AMMECR1: variants seen among roughly 807,000 people sequenced by gnomAD.
The protein encoded by AMMECR1 is nuclear protein AMMECR1.
A neutral mutation model predicts 22.5 loss-of-function variants in AMMECR1; 3 were observed. That is an observed-to-expected ratio of 0.13 (90% CI 0.06 to 0.35). The LOEUF (loss-of-function observed/expected upper bound fraction) is 0.35. Ranked by LOEUF, AMMECR1 falls within the 10% of genes least tolerant of loss-of-function variation. AMMECR1 has a pLI of 1.00. For missense variants in AMMECR1, 235 were observed against 278.7 expected (o/e 0.84, Z 1.12); for synonymous variants, 130 against 116.7 (o/e 1.11, Z -0.74).
chrX:110,311,014 AG>A (rs1437515173), intron 1 of AMMECR1, among the ~76,000 whole-genome samples: 2 of 111,923 alleles, frequency 1.8e-5, no homozygotes, highest in Non-Finnish European at 3.8e-5. Context: ...CTCAACACAA[AG>A]GCCACTTTTA....
At chrX:110,248,808 C>T (rs1173929239) in intron 2 of AMMECR1, among the ~76,000 whole-genome samples, 3 of 112,034 alleles carry the variant, frequency 2.7e-5, no homozygotes, top group Non-Finnish European at 5.6e-5. Flanking sequence ...ATCCTTCCCC[C>T]GAGGCTCTCT....
chrX:110,336,671 C>T (rs1181613729), intron 2 of AMMECR1, among the ~76,000 whole-genome samples: 1 of 110,606 alleles, frequency 9.0e-6, no homozygotes, highest in Non-Finnish European at 1.9e-5. Context: ...ACTCAGATCA[C>T]CTGGGCAACA....
chrX:110,316,954 T>TGC (rs2148226873), intron 1 of AMMECR1, among the ~76,000 whole-genome samples: 1 of 108,796 alleles, frequency 9.2e-6, no homozygotes, highest in East Asian at 2.9e-4. Context: ...AAGCCGGCAG[T>TGC]GCGCTCGCTA....
At chrX:110,407,430 C>G (rs1265937495) in intron 2 of AMMECR1, among the ~76,000 whole-genome samples, 1 of 111,903 alleles carries the variant, frequency 8.9e-6, no homozygotes, top group Non-Finnish European at 1.9e-5. Flanking sequence ...TCAGCAGAAG[C>G]CACTTTTCAG....
At chrX:110,343,634 A>C (rs1276729480) in intron 2 of AMMECR1, among the ~76,000 whole-genome samples, 2 of 111,452 alleles carry the variant, frequency 1.8e-5, no homozygotes, top group East Asian at 2.8e-4. Flanking sequence ...TGATAAGCAA[A>C]TTCAGGAAAG....
rs191772495 is a variant in AMMECR1 at position 110,417,490 on chromosome X, T to C, written c.-148+9168A>G. 5.3e-3 allele frequency among the ~76,000 whole-genome samples: 588 copies of C among 111,878 alleles called. 3 individuals are homozygous for C. Among genetic ancestry groups the C allele is most frequent in the African/African-American group, 0.019 (572 of 30,519 alleles). Reference sequence around the variant, plus strand: ...CAGACGCAAATGAGCATTTTTTTTTTATGCGATAAGCCCTGTGCTTAGCAG... The same window carrying C: ...CAGACGCAAATGAGCATTTTTTTTTCATGCGATAAGCCCTGTGCTTAGCAG... On this transcript the variant is annotated intron_variant, in intron 2 of 7. Coordinates refer to the AMMECR1 transcript ENST00000372057.
At chrX:110,332,278 A>T (rs1448685897) in intron 2 of AMMECR1, among the ~76,000 whole-genome samples, 2 of 112,176 alleles carry the variant, frequency 1.8e-5, no homozygotes, top group Admixed American at 9.5e-5. Context: ...AGGTAGTGGG[A>T]TCTGAAAGTT....
upstream of AMMECR1, among the ~76,000 whole-genome samples, chrX:110,322,866 G>A (rs1280046583): frequency 2.7e-5 from 3 of 111,257 alleles, no homozygotes; most frequent in Non-Finnish European, 3.8e-5. Context: ...CTTACTATTC[G>A]GGATTCCTAC....
intron 2 of AMMECR1, among the ~76,000 whole-genome samples, chrX:110,420,153 G>A (rs1355748438): frequency 9.0e-6 from 1 of 111,432 alleles, no homozygotes; most frequent in Non-Finnish European, 1.9e-5. Flanking sequence ...CCACCCCCAG[G>A]CACGATTCTA....
At chrX:110,204,385 A>C (rs779321376) in intron 3 of AMMECR1, among the ~76,000 whole-genome samples, 8 of 111,454 alleles carry the variant, frequency 7.2e-5, no homozygotes, top group Non-Finnish European at 1.3e-4. Context: ...GATAGGAAGA[A>C]TGTCTCCCTA....
At chrX:110,233,439 G>C (rs886425943) in intron 2 of AMMECR1, among the ~76,000 whole-genome samples, 1 of 111,981 alleles carries the variant, frequency 8.9e-6, no homozygotes, top group Non-Finnish European at 1.9e-5. Flanking sequence ...CTGAAACTAT[G>C]CCAATCAATA....
intron 2 of AMMECR1, among the ~76,000 whole-genome samples, chrX:110,397,742 C>G (rs1337211981): frequency 8.9e-6 from 1 of 111,803 alleles, no homozygotes; most frequent in Non-Finnish European, 1.9e-5. Flanking sequence ...CCTGCAAAGG[C>G]CAACCTGCCC....
At chrX:110,258,055 T>C (rs923260033) in intron 2 of AMMECR1, among the ~76,000 whole-genome samples, 10 of 112,053 alleles carry the variant, frequency 8.9e-5, no homozygotes, top group African/African-American at 2.9e-4. Context: ...CAACACTACC[T>C]TTTCACAGAT....
chrX:110,391,783 G>A (rs2068495271), intron 2 of AMMECR1, among the ~76,000 whole-genome samples: 1 of 112,348 alleles, frequency 8.9e-6, no homozygotes, highest in African/African-American at 3.2e-5. Context: ...ATGTTGGCAA[G>A]TAGTACTTGG....
chrX:110,384,544 T>G (rs926235199), intron 2 of AMMECR1, among the ~76,000 whole-genome samples: 1 of 111,744 alleles, frequency 8.9e-6, no homozygotes, highest in Admixed American at 9.5e-5. Context: ...TAATAAATAC[T>G]TTTACTTGAA....
At chrX:110,236,821 T>C (rs746839912) in intron 2 of AMMECR1, among the ~76,000 whole-genome samples, 4 of 112,507 alleles carry the variant, frequency 3.6e-5, no homozygotes, top group Non-Finnish European at 7.5e-5. Context: ...TTCCCCTGTT[T>C]TTATTTATTT....
intron 1 of AMMECR1, chrX:110,306,861 GC>G (rs1339440667): frequency 8.9e-6 from 1 of 111,739 alleles, no homozygotes; most frequent in East Asian, 2.8e-4. Context: ...TAAAAATTAA[GC>G]TAAGCAGAGT....
intron 2 of AMMECR1, among the ~76,000 whole-genome samples, chrX:110,223,728 C>T (rs940458701): frequency 1.8e-5 from 2 of 112,200 alleles, no homozygotes; most frequent in African/African-American, 6.5e-5. Context: ...AGTGTGTCTC[C>T]AAGGTATAAC....
At chrX:110,203,182 C>A (rs1422072408) in intron 3 of AMMECR1, among the ~76,000 whole-genome samples, 1 of 111,937 alleles carries the variant, frequency 8.9e-6, no homozygotes, top group Non-Finnish European at 1.9e-5. Flanking sequence ...TGTCTTCACA[C>A]AGCTCTACTA....
Sources: allele counts gnomAD v4.1 joint callset (sites outside exome capture counted in the v4.1 genomes callset), GRCh38; gene constraint gnomAD v4.1.1; transcripts MANE v1.5; gene names NCBI Gene and HGNC (gene_info 2026-07-23, HGNC 2026-07-21).